CCDC30: variants seen among roughly 807,000 people sequenced by gnomAD.
CCDC30 encodes coiled-coil domain-containing protein 30.
CCDC30 carries 70 observed loss-of-function variants against 100.2 expected under a neutral mutation model. That is an observed-to-expected ratio of 0.70 (90% CI 0.58 to 0.85). The LOEUF is 0.85. Among genes scored for constraint, CCDC30 ranks in the 40% least tolerant of loss-of-function variants. The pLI is 0.00. For missense variants in CCDC30, 652 were observed against 771.2 expected (o/e 0.85, Z 1.83); for synonymous variants, 233 against 269.5 (o/e 0.86, Z 1.33).
chr1:42,572,084 A>G (rs1412584991), intron 7 of CCDC30, among the ~76,000 whole-genome samples: 1 of 152,226 alleles, frequency 6.6e-6, no homozygotes, highest in African/African-American at 2.4e-5. Context: ...GAATTATTTT[A>G]TCATAGAATA....
intron 1 of CCDC30, among the ~76,000 whole-genome samples, chr1:42,477,897 G>T (rs545054650): frequency 6.6e-6 from 1 of 152,208 alleles, no homozygotes; most frequent in Non-Finnish European, 1.5e-5. Context: ...AGATTAAGAA[G>T]CTGGGAAAGG....
At chr1:42,559,479 G>A (rs1328212112) in intron 6 of CCDC30, among the ~76,000 whole-genome samples, 1 of 152,022 alleles carries the variant, frequency 6.6e-6, no homozygotes, top group Non-Finnish European at 1.5e-5. Context: ...GCAAAAAAAA[G>A]CAGGGGTTGC....
At chr1:42,625,937 C>T (rs995042856) in intron 11 of CCDC30, among the ~76,000 whole-genome samples, 3 of 152,102 alleles carry the variant, frequency 2.0e-5, no homozygotes, top group Non-Finnish European at 4.4e-5. Context: ...CTGTCCAATG[C>T]TGAAAGTGAG....
intron 4 of CCDC30, chr1:42,491,715 C>G: frequency 4.6e-6 from 1 of 216,184 alleles, no homozygotes; most frequent in South Asian, 7.6e-5. Context: ...AAACATGTAG[C>G]CTTTTGGCTC....
intron 5 of CCDC30, among the ~76,000 whole-genome samples, chr1:42,498,506 T>C (rs913700848): frequency 5.3e-5 from 8 of 152,150 alleles, no homozygotes; most frequent in African/African-American, 1.9e-4. Flanking sequence ...ATAAAAAGAA[T>C]GAATAAAAAG....
chr1:42,600,250 A>C (rs1056417893), intron 10 of CCDC30, among the ~76,000 whole-genome samples: 1 of 152,314 alleles, frequency 6.6e-6, no homozygotes, highest in East Asian at 1.9e-4. Flanking sequence ...AAGAAAAAAC[A>C]ATCTTTAATA....
downstream of CCDC30, among the ~76,000 whole-genome samples, chr1:42,656,102 C>A (rs1648649595): frequency 6.6e-6 from 1 of 151,882 alleles, no homozygotes. Flanking sequence ...AATTTCTGGG[C>A]TCAAGTGATC....
chr1:42,538,574 C>T (rs1013006615), intron 6 of CCDC30, among the ~76,000 whole-genome samples: 5 of 152,120 alleles, frequency 3.3e-5, no homozygotes, highest in Admixed American at 3.3e-4. Flanking sequence ...CTACTGCACT[C>T]TAGCCTGGGC....
chr1:42,622,216 C>T (rs1226498921), intron 11 of CCDC30, among the ~76,000 whole-genome samples: 1 of 152,152 alleles, frequency 6.6e-6, no homozygotes, highest in East Asian at 1.9e-4. Flanking sequence ...TGGCTTATTT[C>T]ACTTAGCATA....
chr1:42,641,273 T>C (rs2148683653), intron 12 of CCDC30, among the ~76,000 whole-genome samples: 1 of 148,914 alleles, frequency 6.7e-6, no homozygotes, highest in South Asian at 2.2e-4. Flanking sequence ...AGACGGGGTC[T>C]CACCATGTTG....
intron 6 of CCDC30, among the ~76,000 whole-genome samples, chr1:42,499,462 T>A (rs977132636): frequency 4.6e-5 from 7 of 152,018 alleles, no homozygotes; most frequent in African/African-American, 1.2e-4. Flanking sequence ...TCTTAAAAAA[T>A]TTATTTTATT....
At chr1:42,511,404 C>T (rs116216587) in intron 6 of CCDC30, among the ~76,000 whole-genome samples, 3,455 of 152,240 alleles carry the variant, frequency 0.023, 53 homozygotes, top group Non-Finnish European at 0.034. Context: ...AGATTGAACT[C>T]TATATCCTAC....
At chr1:42,477,082 CT>C (rs993279533) in intron 1 of CCDC30, among the ~76,000 whole-genome samples, 375 of 143,924 alleles carry the variant, frequency 2.6e-3, no homozygotes, top group African/African-American at 3.1e-3. Flanking sequence ...TTAATTCTGG[CT>C]TTTTTTTTTC....
intron 11 of CCDC30, among the ~76,000 whole-genome samples, chr1:42,625,415 G>A (rs1646914776): frequency 1.3e-5 from 2 of 151,172 alleles, no homozygotes; most frequent in Middle Eastern, 3.4e-3. Flanking sequence ...CTACTAATTT[G>A]GGATTTCATT....
At chr1:42,491,433 A>G (rs1644139288) in intron 4 of CCDC30, among the ~76,000 whole-genome samples, 1 of 152,218 alleles carries the variant, frequency 6.6e-6, no homozygotes, top group South Asian at 2.1e-4. Context: ...TAGAGAGCAG[A>G]AAGATTGTTA....
chr1:42,643,499 G>A (rs1647625754), intron 13 of CCDC30, among the ~76,000 whole-genome samples: 1 of 152,130 alleles, frequency 6.6e-6, no homozygotes, highest in African/African-American at 2.4e-5. Context: ...ATAAATCATT[G>A]CTCTTCTCAA....
exon 17 of CCDC30, chr1:42,653,987 A>G (rs1648565324): frequency 1.2e-6 from 2 of 1,613,918 alleles, no homozygotes; most frequent in African/African-American, 1.3e-5. Flanking sequence ...TCTGAAGGAG[A>G]CACATGGTAT....
intron 14 of CCDC30, 103 bp downstream of exon 18, chr1:42,644,910 G>A (rs1647764138): frequency 5.5e-6 from 4 of 727,372 alleles, no homozygotes; most frequent in Non-Finnish European, 9.5e-6. Flanking sequence ...CTGTAGCTGG[G>A]CTCTTGGCCT....
At chr1:42,581,584 T>G in intron 9 of CCDC30, 70 bp downstream of exon 13, 1 of 1,413,196 alleles carries the variant, frequency 7.1e-7, no homozygotes, top group Non-Finnish European at 9.7e-7. Context: ...ATATCAATTT[T>G]TTCTAACAGA....
Sources: allele counts gnomAD v4.1 joint callset (sites outside exome capture counted in the v4.1 genomes callset), GRCh38; gene constraint gnomAD v4.1.1; transcripts MANE v1.5; gene names NCBI Gene and HGNC (gene_info 2026-07-23, HGNC 2026-07-21).